Variants in TNRC6B observed in about 807,000 individuals in gnomAD.
The protein encoded by TNRC6B is trinucleotide repeat-containing gene 6B protein.
Under a neutral mutation model 203.6 loss-of-function variants are expected in TNRC6B, and 52 were observed. The observed-to-expected ratio is 0.26, with a 90% CI of 0.20 to 0.32. The LOEUF (loss-of-function observed/expected upper bound fraction) is 0.32. TNRC6B is among the 10% of genes least tolerant of loss of function. TNRC6B has a pLI of 1.00. For missense variants in TNRC6B, 1,923 were observed against 2,286.2 expected (o/e 0.84, Z 3.24); for synonymous variants, 838 against 845.7 (o/e 0.99, Z 0.16).
chr22:40,238,784 G>A (rs896984599), intron 1 of TNRC6B, among the ~76,000 whole-genome samples: 3 of 152,224 alleles, frequency 2.0e-5, no homozygotes, highest in Non-Finnish European at 2.9e-5. Flanking sequence ...CCTGAACTGT[G>A]TATTTTATAC....
chr22:40,086,305 G>T (rs1349262061), intron 1 of TNRC6B, among the ~76,000 whole-genome samples: 3 of 152,182 alleles, frequency 2.0e-5, no homozygotes, highest in Non-Finnish European at 4.4e-5. Flanking sequence ...TCCTCCAAAA[G>T]AGACCAGTAA....
At chr22:40,273,303 G>C (rs1194982859) in intron 6 of TNRC6B, 122 bp from the exon 7 acceptor site, 1 of 886,000 alleles carries the variant, frequency 1.1e-6, no homozygotes, top group East Asian at 2.8e-5. Context: ...TATTTGTCTT[G>C]CCATGGAGAT....
intron 5 of TNRC6B, 65 bp downstream of exon 5, chr22:40,267,101 A>G: frequency 2.1e-6 from 3 of 1,423,012 alleles, no homozygotes; most frequent in Non-Finnish European, 2.8e-6. Context: ...AGGCATTTTT[A>G]TTAGGTGAAT....
intron 21 of TNRC6B, 108 bp from the exon 22 acceptor site, chr22:40,320,982 A>C: frequency 7.7e-7 from 1 of 1,303,258 alleles, no homozygotes; most frequent in Non-Finnish European, 1.1e-6. Context: ...TATGGAAACT[A>C]TTTGCAAAAT....
intron 1 of TNRC6B, among the ~76,000 whole-genome samples, chr22:40,197,665 C>T (rs1462043973): frequency 3.4e-5 from 5 of 148,760 alleles, no homozygotes; most frequent in East Asian, 2.0e-4. Flanking sequence ...TGCAGTGGTG[C>T]GATTCATAGT....
chr22:40,283,103 T>C (rs1034627270), intron 11 of TNRC6B, among the ~76,000 whole-genome samples: 1 of 152,140 alleles, frequency 6.6e-6, no homozygotes, highest in Non-Finnish European at 1.5e-5. Context: ...TGGCGTGATC[T>C]CTGCTCACTG....
intron 3 of TNRC6B, among the ~76,000 whole-genome samples, chr22:40,256,797 A>G (rs763071): frequency 0.64 from 97,881 of 152,108 alleles, 34,961 homozygotes; most frequent in East Asian, 0.99. Flanking sequence ...GAGCTGAAGC[A>G]CTAGCTGGAG....
At chr22:40,289,281 C>G (rs1176106516) in intron 12 of TNRC6B, among the ~76,000 whole-genome samples, 1 of 150,332 alleles carries the variant, frequency 6.7e-6, no homozygotes, top group Non-Finnish European at 1.5e-5. Flanking sequence ...GACCCCGTCT[C>G]AAAAAAGAAA....
intron 1 of TNRC6B, among the ~76,000 whole-genome samples, chr22:40,190,935 A>G (rs567681768): frequency 1.4e-4 from 21 of 152,372 alleles, no homozygotes; most frequent in African/African-American, 4.3e-4. Context: ...AGCACTGTAT[A>G]GTGCTGGAAA....
chr22:40,051,141 AGCCTTGCCTAC>A (rs2067741205), intron 1 of TNRC6B, among the ~76,000 whole-genome samples: 1 of 152,168 alleles, frequency 6.6e-6, no homozygotes, highest in Non-Finnish European at 1.5e-5. Flanking sequence ...AGTTTCTGGT[AGCCTTGCCTAC>A]GTCCTCAGTG....
At chr22:40,317,073 T>A (rs1250889828) in intron 21 of TNRC6B, among the ~76,000 whole-genome samples, 1 of 152,192 alleles carries the variant, frequency 6.6e-6, no homozygotes, top group African/African-American at 2.4e-5. Flanking sequence ...GTGTTAATCC[T>A]CCAAGAAGAC....
intron 7 of TNRC6B, 39 bp from the exon 8 acceptor site, chr22:40,277,038 A>C: frequency 6.6e-7 from 1 of 1,517,084 alleles, no homozygotes. Flanking sequence ...GGCTGAAATA[A>C]ATTATTTGGT....
intron 2 of TNRC6B, 183 bp downstream of exon 2, chr22:40,246,285 G>T: frequency 2.6e-6 from 1 of 385,022 alleles, no homozygotes; most frequent in East Asian, 4.7e-5. Context: ...CGCTTCCCAG[G>T]TTTAAGCGAT....
chr22:40,087,091 C>T (rs1049653018), intron 1 of TNRC6B, among the ~76,000 whole-genome samples: 1 of 152,112 alleles, frequency 6.6e-6, no homozygotes, highest in Non-Finnish European at 1.5e-5. Flanking sequence ...TCAGCTTATA[C>T]TGCATCAGTA....
intron 12 of TNRC6B, among the ~76,000 whole-genome samples, chr22:40,287,140 C>G (rs1051214814): frequency 2.0e-5 from 3 of 152,002 alleles, no homozygotes; most frequent in African/African-American, 7.2e-5. Flanking sequence ...CTCCAAGTAG[C>G]TGGGGACTAC....
intron 12 of TNRC6B, among the ~76,000 whole-genome samples, chr22:40,288,839 C>CT (rs1224962691): frequency 0.15 from 15,485 of 105,048 alleles, 1,910 homozygotes; most frequent in African/African-American, 0.2. Flanking sequence ...CTGTGCCCAG[C>CT]TTTTTTTTTT....
chr22:40,328,665 A>G lies in TNRC6B; in HGVS notation c.*5424A>G, dbSNP rs1213591584. The G allele has an allele frequency of 6.6e-6, 1 of 152,152 alleles. No homozygotes were observed. Among genetic ancestry groups the G allele is most frequent in the Admixed American group, 6.5e-5 (1 of 15,268 alleles). 9.4% of individuals were successfully genotyped at this position (152,152 alleles called of 1,614,324 possible). A position where few individuals can be genotyped will look rare whatever the true frequency, so the allele number is the denominator to read the frequency against. ...TGACTCTTCTCTAAAACAGAATGAA[A>G]ATGTCTGCATGCTGAGCAAAATGCT... On this transcript the variant is annotated 3_prime_UTR_variant, in exon 23 of 23. Transcript: ENST00000454349.
chr22:40,060,756 A>G (rs1402297216), intron 1 of TNRC6B, among the ~76,000 whole-genome samples: 1 of 152,226 alleles, frequency 6.6e-6, no homozygotes, highest in Non-Finnish European at 1.5e-5. Flanking sequence ...AACATACAGG[A>G]CACACTTAAT....
intron 21 of TNRC6B, among the ~76,000 whole-genome samples, chr22:40,317,664 C>T (rs2071277410): frequency 6.6e-6 from 1 of 151,792 alleles, no homozygotes. Context: ...AATTTGCTCT[C>T]ATCAGACCAT....
Sources: allele counts gnomAD v4.1 joint callset (sites outside exome capture counted in the v4.1 genomes callset), GRCh38; gene constraint gnomAD v4.1.1; transcripts MANE v1.5; gene names NCBI Gene and HGNC (gene_info 2026-07-23, HGNC 2026-07-21).